Variants in LUZP2 observed in about 807,000 individuals in gnomAD.
LUZP2 encodes the protein leucine zipper protein 2.
Under a neutral mutation model 51.6 loss-of-function variants are expected in LUZP2, and 52 were observed. That is an observed-to-expected ratio of 1.01 (90% CI 0.81 to 1.27). The LOEUF is 1.27. LUZP2 is among the 50% of genes most tolerant of loss of function. LUZP2 has a pLI of 0.00. For synonymous variants in LUZP2, 154 were observed against 137.3 expected (o/e 1.12, Z -0.85); for missense variants, 436 against 395.4 (o/e 1.10, Z -0.87).
intron 1 of LUZP2, among the ~76,000 whole-genome samples, chr11:24,673,900 T>C (rs1373436064): frequency 6.6e-6 from 1 of 152,232 alleles, no homozygotes; most frequent in African/African-American, 2.4e-5. Flanking sequence ...TTGTTTTCTA[T>C]GACTATGTTA....
intron 5 of LUZP2, among the ~76,000 whole-genome samples, chr11:24,774,212 G>A (rs373705847): frequency 2.4e-4 from 36 of 151,404 alleles, no homozygotes; most frequent in African/African-American, 7.0e-4. Flanking sequence ...TCCTGCGCTC[G>A]AACATTAGAC....
intron 5 of LUZP2, among the ~76,000 whole-genome samples, chr11:24,905,252 G>T (rs1853409239): frequency 6.6e-6 from 1 of 152,146 alleles, no homozygotes; most frequent in African/African-American, 2.4e-5. Context: ...AAGGCCAGGT[G>T]CGGTGGCTGA....
At chr11:24,996,009 T>C (rs1856485009) in intron 9 of LUZP2, among the ~76,000 whole-genome samples, 1 of 151,206 alleles carries the variant, frequency 6.6e-6, no homozygotes, top group African/African-American at 2.4e-5. Flanking sequence ...TATTCTTCTA[T>C]CTATAGGTTC....
At chr11:24,720,776 G>T (rs959956362) in intron 1 of LUZP2, among the ~76,000 whole-genome samples, 2 of 152,150 alleles carry the variant, frequency 1.3e-5, no homozygotes, top group African/African-American at 4.8e-5. Context: ...TCGGCTTACC[G>T]CAAGCTCTGC....
chr11:24,702,290 T>C (rs1239617771), intron 1 of LUZP2, among the ~76,000 whole-genome samples: 1 of 152,176 alleles, frequency 6.6e-6, no homozygotes, highest in African/African-American at 2.4e-5. Context: ...ACTTTTGCTA[T>C]ATGTGTTAAG....
intron 1 of LUZP2, among the ~76,000 whole-genome samples, chr11:24,538,877 C>T (rs959370831): frequency 2.6e-5 from 4 of 151,694 alleles, no homozygotes; most frequent in African/African-American, 9.7e-5. Flanking sequence ...TTCACAAAAT[C>T]AGTAACTCTA....
intron 9 of LUZP2, among the ~76,000 whole-genome samples, chr11:24,990,919 C>T (rs945571773): frequency 2.6e-5 from 4 of 151,714 alleles, no homozygotes; most frequent in African/African-American, 9.7e-5. Context: ...TTGACTACTT[C>T]CTTGAGTTTC....
chr11:24,590,670 T>C (rs576073558), intron 1 of LUZP2, among the ~76,000 whole-genome samples: 10 of 152,312 alleles, frequency 6.6e-5, no homozygotes, highest in African/African-American at 2.4e-4. Context: ...GCCTTAATAC[T>C]AAATGTAGCT....
At chr11:24,859,018 A>G (rs1010248223) in intron 5 of LUZP2, among the ~76,000 whole-genome samples, 6 of 152,204 alleles carry the variant, frequency 3.9e-5, no homozygotes, top group African/African-American at 1.4e-4. Flanking sequence ...CAAGCCCACA[A>G]ATTAGCCAGT....
chr11:24,848,701 G>C (rs1014601845), intron 5 of LUZP2, among the ~76,000 whole-genome samples: 1 of 152,128 alleles, frequency 6.6e-6, no homozygotes, highest in African/African-American at 2.4e-5. Context: ...GTTAGAGTTT[G>C]CCATCATTTT....
chr11:24,624,668 G>A (rs984276016), intron 1 of LUZP2, among the ~76,000 whole-genome samples: 1 of 151,958 alleles, frequency 6.6e-6, no homozygotes, highest in African/African-American at 2.4e-5. Flanking sequence ...AAAGAAAGAT[G>A]TTTGGACTTT....
chr11:24,944,485 AAGAG>A (rs1854847380), intron 7 of LUZP2, among the ~76,000 whole-genome samples: 1 of 152,352 alleles, frequency 6.6e-6, no homozygotes, highest in African/African-American at 2.4e-5. Context: ...TGCAGAGAGA[AAGAG>A]AGACTGGAAA....
chr11:24,576,692 G>A (rs1470720946), intron 1 of LUZP2, among the ~76,000 whole-genome samples: 1 of 151,974 alleles, frequency 6.6e-6, no homozygotes, highest in African/African-American at 2.4e-5. Context: ...TGTCCAAACA[G>A]ACCAAGGATA....
At chr11:24,682,487 T>G (rs7396077) in intron 1 of LUZP2, among the ~76,000 whole-genome samples, 26,045 of 123,456 alleles carry the variant, frequency 0.21, 2,421 homozygotes, top group East Asian at 0.35. Flanking sequence ...AGAGCAAGAC[T>G]CCACCTTGGA....
At chr11:24,658,667 T>C (rs1855904848) in intron 1 of LUZP2, among the ~76,000 whole-genome samples, 1 of 152,034 alleles carries the variant, frequency 6.6e-6, no homozygotes, top group African/African-American at 2.4e-5. Context: ...ATTTTTGCAA[T>C]CTACTCATCT....
At chr11:24,760,038 T>C (rs925524884) in intron 4 of LUZP2, among the ~76,000 whole-genome samples, 14 of 152,014 alleles carry the variant, frequency 9.2e-5, no homozygotes, top group African/African-American at 3.4e-4. Context: ...CAACTTGAAG[T>C]GGTGGGGAGC....
chr11:24,570,332 T>G (rs1286347850), intron 1 of LUZP2, among the ~76,000 whole-genome samples: 1 of 152,046 alleles, frequency 6.6e-6, no homozygotes, highest in African/African-American at 2.4e-5. Flanking sequence ...AAAAATAAAT[T>G]TTTTGATGAG....
chr11:24,711,734 A>G (rs532921233), intron 1 of LUZP2, among the ~76,000 whole-genome samples: 14 of 152,110 alleles, frequency 9.2e-5, no homozygotes, highest in Admixed American at 7.2e-4. Context: ...TTTTTTCCCT[A>G]ATTTTTTGCC....
chr11:24,989,872 G>T (rs1389151828), intron 9 of LUZP2, among the ~76,000 whole-genome samples: 2 of 151,742 alleles, frequency 1.3e-5, no homozygotes, highest in Admixed American at 6.6e-5. Flanking sequence ...AAATCAGGTT[G>T]TTTTTTTTCT....
Sources: allele counts gnomAD v4.1 joint callset (sites outside exome capture counted in the v4.1 genomes callset), GRCh38; gene constraint gnomAD v4.1.1; transcripts MANE v1.5; gene names NCBI Gene and HGNC (gene_info 2026-07-23, HGNC 2026-07-21).